Variants in XIAP observed in about 807,000 individuals in gnomAD.
XIAP encodes the protein E3 ubiquitin-protein ligase XIAP.
In XIAP, 3 loss-of-function variants were observed where a neutral mutation model predicts 33.1. That is an observed-to-expected ratio of 0.09 (90% CI 0.04 to 0.23). XIAP has a LOEUF of 0.23. Among genes scored for constraint, XIAP ranks in the 10% least tolerant of loss-of-function variants. The pLI is 1.00. For synonymous variants in XIAP, 98 were observed against 121.3 expected (o/e 0.81, Z 1.26); for missense variants, 264 against 363.0 (o/e 0.73, Z 2.22).
rs1163083238 is a variant in XIAP at position 123,908,375 on chromosome X, T to C, written c.*1194T>C. On this transcript the variant is annotated 3_prime_UTR_variant, in exon 7 of 7. Transcript: ENST00000371199. ...CTTCCAATTAATTAGTAAGGATTCA[T>C]CCTTAATCCTTGCTAGTTTAAGCCT... 2.7e-6 allele frequency: 1 copy of C among 374,867 alleles called. No individual in the cohort carries two copies. Among genetic ancestry groups the C allele is most frequent in the Admixed American group, 3.0e-5 (1 of 33,610 alleles). 30.9% of individuals were successfully genotyped at this position (374,867 alleles called of 1,213,427 possible).
chrX:123,884,959 A>G (rs1175583002), intron 1 of XIAP, among the ~76,000 whole-genome samples: 1 of 110,374 alleles, frequency 9.1e-6, no homozygotes, highest in Non-Finnish European at 1.9e-5. Flanking sequence ...AAAAAAAAGT[A>G]ACAGCAATTA....
In XIAP at chrX:123,908,403, C is replaced by T. The variant is rs34732536; in HGVS notation, c.*1222C>T. On this transcript the variant is annotated 3_prime_UTR_variant, in exon 7 of 7. Transcript: ENST00000371199. ...TTAATCCTTGCTAGTTTAAGCCTGC[C>T]TAAGTCACTTTACTAAAAGATCTTT... 2.7e-6 allele frequency: 1 copy of T among 376,524 alleles called. No individual in the cohort carries two copies. The highest frequency in any genetic ancestry group is 2.6e-5 in the South Asian group (1 of 38,750). The allele number at this position is 376,524 out of a possible 1,213,427, so 31.0% of individuals were successfully genotyped here.
chrX:123,889,370 A>G (rs2053383511), intron 3 of XIAP, among the ~76,000 whole-genome samples: 1 of 104,434 alleles, frequency 9.6e-6, no homozygotes, highest in African/African-American at 3.5e-5. Flanking sequence ...GATTCTGGCT[A>G]ATTTTTGTAT....
At chrX:123,882,283 C>T (rs1274624207) in intron 1 of XIAP, among the ~76,000 whole-genome samples, 5 of 111,327 alleles carry the variant, frequency 4.5e-5, no homozygotes, top group Non-Finnish European at 3.8e-5. Context: ...TTATAAAGCC[C>T]ATCCTTGGGT....
Position 123,912,108 on chromosome X carries a change from CTT to C in XIAP, c.*4929_*4930del. On this transcript the variant is annotated 3_prime_UTR_variant, in exon 7 of 7. Transcript: ENST00000371199. ...AACTTTCACTACATATTAAATGACA[CTT>C]TATAACTAATATAATAGGACAATCA... 1 of 326,638 alleles carries C rather than the reference CTT, an allele frequency of 3.1e-6. No homozygotes were observed. Among genetic ancestry groups the C allele is most frequent in the South Asian group, 2.6e-5 (1 of 38,265 alleles). 26.9% of individuals were successfully genotyped at this position (326,638 alleles called of 1,213,427 possible). A position where few individuals can be genotyped will look rare whatever the true frequency, so the allele number is the denominator to read the frequency against.
rs534073951 is a variant in XIAP at position 123,885,523 on chromosome X, G to A, written c.-32-108G>A. ...AGAATTAGAATGTTTCTTAGCGGTC[G>A]TGTAGTTATTTTTATGTCATAAGTG... On this transcript the variant is annotated intron_variant, in intron 1 of 6. Coordinates refer to ENST00000371199, the MANE Select transcript of XIAP (RefSeq NM_001167.4). 868 of 585,338 alleles carry A rather than the reference G, an allele frequency of 1.5e-3. 8 individuals are homozygous for A. In the South Asian group the frequency reaches 0.025, roughly 17 times the overall value. The allele number at this position is 585,338 out of a possible 1,213,427, so 48.2% of individuals were successfully genotyped here.
chrX:123,908,528 A>T lies in XIAP; in HGVS notation c.*1347A>T, dbSNP rs1478912445. Reference sequence around the variant, plus strand: ...TATAGTGACAGCTTTCCATGTTGAGATTCTCATATCATCTTGTATCTTAAA... The same window carrying T: ...TATAGTGACAGCTTTCCATGTTGAGTTTCTCATATCATCTTGTATCTTAAA... On this transcript the variant is annotated 3_prime_UTR_variant, in exon 7 of 7. Coordinates refer to ENST00000371199, the MANE Select transcript of XIAP (RefSeq NM_001167.4). The T allele has an allele frequency of 2.7e-6, 1 of 366,454 alleles. No individual in the cohort carries two copies. The highest frequency in any genetic ancestry group is 2.6e-5 in the South Asian group (1 of 37,817). The allele number at this position is 366,454 out of a possible 1,213,427, so 30.2% of individuals were successfully genotyped here.
At position 123,912,906 on chromosome X, in the gene XIAP, A is replaced by G. The variant is rs1167646245; in HGVS notation, c.*5725A>G. On this transcript the variant is annotated 3_prime_UTR_variant, in exon 7 of 7. Transcript: ENST00000371199. ...TCTGACCTCAAGTGATTCATCTCCC[A>G]AAGTGCTGGGATTACAGGCGTGAGC... 9.3e-6 allele frequency: 3 copies of G among 323,611 alleles called. No homozygotes were observed. In the East Asian group the frequency reaches 3.0e-4, roughly 32 times the overall value. The allele number at this position is 323,611 out of a possible 1,213,427, so 26.7% of individuals were successfully genotyped here. A position where few individuals can be genotyped will look rare whatever the true frequency, so the allele number is the denominator to read the frequency against.
intron 1 of XIAP, among the ~76,000 whole-genome samples, chrX:123,865,183 G>A (rs373887058): frequency 1.0e-4 from 11 of 109,995 alleles, no homozygotes; most frequent in African/African-American, 3.3e-4. Context: ...AGGACATTGT[G>A]TGAGTAGATA....
At chrX:123,868,893 T>C (rs764894087) in intron 1 of XIAP, among the ~76,000 whole-genome samples, 1 of 112,318 alleles carries the variant, frequency 8.9e-6, no homozygotes, top group African/African-American at 3.2e-5. Context: ...GTGATACATT[T>C]GTAGCTCTGC....
chrX:123,877,755 C>T (rs911296708), intron 1 of XIAP, among the ~76,000 whole-genome samples: 24 of 110,811 alleles, frequency 2.2e-4, no homozygotes, highest in Non-Finnish European at 4.0e-4. Context: ...GGGTGGATCA[C>T]GAGGTCAGGA....
At chrX:123,864,197 T>C (rs1176961474) in intron 1 of XIAP, among the ~76,000 whole-genome samples, 1 of 110,813 alleles carries the variant, frequency 9.0e-6, no homozygotes, top group African/African-American at 3.3e-5. Flanking sequence ...AAATAAATGT[T>C]CTCCTTTTAT....
In XIAP at chrX:123,874,518, C is replaced by T. The variant is rs1462638970; in HGVS notation, c.-32-11113C>T. On this transcript the variant is annotated intron_variant, in intron 1 of 6. Coordinates refer to ENST00000371199, the MANE Select transcript of XIAP (RefSeq NM_001167.4). ...AATGATACAGAGAAGGTTAACATGG[C>T]CCCTGTATAATATATGCATGTTTTT... 3 of 110,898 alleles carry T rather than the reference C, an allele frequency of 2.7e-5. No homozygotes were observed. In the Admixed American group the frequency reaches 2.9e-4, roughly 11 times the overall value. The allele number at this position is 110,898 out of a possible 1,213,427, so 9.1% of individuals were successfully genotyped here. A position where few individuals can be genotyped will look rare whatever the true frequency, so the allele number is the denominator to read the frequency against.
In XIAP at chrX:123,900,688, A is replaced by G; in HGVS notation, c.1295A>G (p.Gln432Arg). 1.7e-6 allele frequency: 2 copies of G among 1,210,424 alleles called. No homozygotes were observed. The highest frequency in any genetic ancestry group is 1.1e-6 in the Non-Finnish European group (1 of 894,120). Residue 432 changes from glutamine (Q) to arginine (R), a missense_variant, in exon 6 of 7, where the codon CAG (glutamine) becomes CGG (arginine). Physicochemically the swap from Gln to Arg is conservative, Grantham distance 43. Coordinates refer to ENST00000371199, the MANE Select transcript of XIAP (RefSeq NM_001167.4). ...MQDESSQTSL[Q>R]KEISTEEQLR... is the part of the protein sequence containing the mutation. ...GATGAGTCAAGTCAGACTTCATTACAGAAAGGTATGCATTGCTGTTTTTAA... is the reference window on the plus strand; with the variant it reads ...GATGAGTCAAGTCAGACTTCATTACGGAAAGGTATGCATTGCTGTTTTTAA...
At chrX:123,874,402 G>T (rs978428660) in intron 1 of XIAP, 3 of 111,538 alleles carry the variant, frequency 2.7e-5, no homozygotes, top group African/African-American at 9.8e-5. Flanking sequence ...TATAATTTGG[G>T]TTATATAATA....
chrX:123,880,366 G>A (rs1362119430), intron 1 of XIAP, among the ~76,000 whole-genome samples: 2 of 104,596 alleles, frequency 1.9e-5, no homozygotes, highest in African/African-American at 3.5e-5. Flanking sequence ...AACCGAGGTC[G>A]TGCCATTGCA....
intron 1 of XIAP, chrX:123,872,668 A>C (rs2053205528): frequency 9.0e-6 from 1 of 111,002 alleles, no homozygotes; most frequent in African/African-American, 3.3e-5. Flanking sequence ...AGCCTGGGTG[A>C]CAGAGCAAGA....
intron 6 of XIAP, among the ~76,000 whole-genome samples, chrX:123,901,915 C>T (rs1423890642): frequency 9.0e-6 from 1 of 111,304 alleles, no homozygotes; most frequent in African/African-American, 3.3e-5. Context: ...TCACTGCAAC[C>T]TCCGCCTCCC....
intron 1 of XIAP, among the ~76,000 whole-genome samples, chrX:123,874,869 A>ATTTTTTTTT (rs773693860): frequency 5.1e-4 from 22 of 42,775 alleles, no homozygotes; most frequent in East Asian, 1.4e-3. Flanking sequence ...TAATTCTTGT[A>ATTTTTTTTT]TTTTTTTTTT....
Sources: gnomAD v4.1 joint callset for allele counts (sites outside exome capture counted in the v4.1 genomes callset) on GRCh38, gnomAD v4.1.1 for gene constraint, MANE v1.5 for transcripts, NCBI Gene and HGNC (gene_info 2026-07-23, HGNC 2026-07-21) for gene names.